The following CCDC14 variants were observed in gnomAD, a reference collection of about 807,000 sequenced individuals.
CCDC14 encodes the protein coiled-coil domain containing 14.
In CCDC14, 71 loss-of-function variants were observed where a neutral mutation model predicts 81.4. The ratio of observed to expected loss-of-function variants is 0.87; its 90% CI spans 0.72 to 1.06. CCDC14 has a LOEUF of 1.06. Among genes scored for constraint, CCDC14 ranks in the 50% least tolerant of loss-of-function variants. The pLI is 0.00. For synonymous variants in CCDC14, 332 were observed against 364.8 expected, an observed-to-expected ratio of 0.91 and a Z score of 1.03; for missense variants, 1,046 against 1,047.3, an observed-to-expected ratio of 1.00 and a Z score of 0.02.
chr3:123,913,302 C>T, downstream of CCDC14: 3 of 833,658 alleles, frequency 3.6e-6, no homozygotes, highest in South Asian at 1.7e-4. Context: ...TAAAAATTTC[C>T]TTTGCATATA....
intron 5 of CCDC14, 132 bp from the exon 6 acceptor site, chr3:123,949,264 A>G (rs1456174215): frequency 1.7e-6 from 1 of 602,840 alleles, no homozygotes; most frequent in Non-Finnish European, 2.9e-6. Context: ...CTTTACCACT[A>G]TCACCCCTAC....
intron 12 of CCDC14, among the ~76,000 whole-genome samples, chr3:123,921,432 A>C (rs2035037258): frequency 6.6e-6 from 1 of 152,214 alleles, no homozygotes. Flanking sequence ...AAAAAGAAGC[A>C]AAGAAGGTCA....
intron 5 of CCDC14, among the ~76,000 whole-genome samples, chr3:123,950,935 C>A (rs563024285): frequency 6.6e-6 from 1 of 151,612 alleles, no homozygotes; most frequent in Non-Finnish European, 1.5e-5. Flanking sequence ...AATACTATAA[C>A]CAGTGAAAAT....
intron 5 of CCDC14, among the ~76,000 whole-genome samples, chr3:123,906,247 G>A (rs1471355025): frequency 6.6e-6 from 1 of 151,996 alleles, no homozygotes; most frequent in Non-Finnish European, 1.5e-5. Context: ...GGAGAATGGC[G>A]TGAACACGGG....
At chr3:123,896,449 C>T (rs969277359), downstream of CCDC14, among the ~76,000 whole-genome samples, 2 of 152,094 alleles carry the variant, frequency 1.3e-5, no homozygotes, top group African/African-American at 2.4e-5. Context: ...AGACACACAA[C>T]GGAAAATTAT....
intron 9 of CCDC14, among the ~76,000 whole-genome samples, chr3:123,937,878 G>C (rs2682241): frequency 0.11 from 16,698 of 151,700 alleles, 2,222 homozygotes; most frequent in East Asian, 0.35. Flanking sequence ...TTAAAAACAT[G>C]ACTCTCTCAT....
chr3:123,956,739 C>G lies in CCDC14; in HGVS notation c.86+1G>C, dbSNP rs780060142. ...AGTTGTAAACGTCTTCAAGTACTTA[C>G]GCTTTCTTTCCATTTGTTAATTTAG... is the stretch of plus-strand genomic sequence containing the variant. On this transcript the variant is annotated splice_donor_variant, in intron 2 of 12. Transcript: ENST00000409697. LOFTEE classifies it high-confidence loss of function. The G allele has an allele frequency of 1.3e-6, 2 of 1,546,520 alleles. No homozygotes were observed. Among genetic ancestry groups the G allele is most frequent in the Non-Finnish European group, 1.7e-6 (2 of 1,143,218 alleles).
chr3:123,922,969 A>T (rs1011651725), intron 12 of CCDC14, among the ~76,000 whole-genome samples: 1 of 152,146 alleles, frequency 6.6e-6, no homozygotes, highest in Non-Finnish European at 1.5e-5. Context: ...AGAAAAGAAC[A>T]CTACAAGAAA....
At position 123,898,098 on chromosome 3, in the gene CCDC14, G is replaced by T. The variant is rs968942941; in HGVS notation, c.668-485C>A. On this transcript the variant is annotated intron_variant, in intron 5 of 5. Transcript: ENST00000479903. Reference sequence around the variant, plus strand: ...CATTTCTACCTCAAATTGTGTGGAGGGACTATAGTTTAGTGTGAACATCTG... The same window carrying T: ...CATTTCTACCTCAAATTGTGTGGAGTGACTATAGTTTAGTGTGAACATCTG... Among the ~76,000 whole-genome samples the T allele has an allele frequency of 2.0e-5, 3 of 152,110 alleles. No homozygotes were observed. In the South Asian group the frequency reaches 6.2e-4, roughly 32 times the overall value.
At chr3:123,930,459 C>T (rs1257879980) in intron 12 of CCDC14, among the ~76,000 whole-genome samples, 3 of 152,130 alleles carry the variant, frequency 2.0e-5, no homozygotes, top group African/African-American at 7.2e-5. Context: ...AGTTGAGAAT[C>T]CAATTCTTAG....
At chr3:123,888,173 A>G in the CCDC14 span, among the ~76,000 whole-genome samples, 1 of 152,056 alleles carries the variant, frequency 6.6e-6, no homozygotes, top group South Asian at 2.1e-4. Context: ...CATGTCACTC[A>G]GTGTGTATTA....
At chr3:123,933,506 A>C (rs898216673) in intron 10 of CCDC14, 167 bp downstream of exon 10, 16 of 584,008 alleles carry the variant, frequency 2.7e-5, no homozygotes, top group Non-Finnish European at 4.5e-5. Context: ...CAAAACAAAC[A>C]AACAAAAAAA....
At position 123,931,085 on chromosome 3, in the gene CCDC14, A is replaced by C. The variant is rs777433083; in HGVS notation, c.1778+17T>G. 1.9e-6 allele frequency: 3 copies of C among 1,560,178 alleles called. No individual in the cohort carries two copies. The African/African-American group carries it at 4.2e-5, about 22-fold the overall frequency. On this transcript the variant is annotated intron_variant, in intron 12 of 12. Coordinates refer to ENST00000409697, the MANE Select transcript of CCDC14 (RefSeq NM_001366335.1). ...AAATAAAAAAGGCATGAGTTATTCA[A>C]AGGAAGTCAATTTTACCTGGTTAAT...
Position 123,948,993 on chromosome 3 carries a change from C to T in CCDC14, c.492G>A (p.Glu164=). 1.2e-6 allele frequency: 2 copies of T among 1,613,960 alleles called. No homozygotes were observed. The highest frequency in any genetic ancestry group is 1.7e-6 in the Non-Finnish European group (2 of 1,179,874). The change falls in exon 6 of 13, where the codon GAG becomes GAA. Residue 164 remains glutamate, a synonymous_variant. Transcript: ENST00000409697. ...YSPIIYQALC[E]HVQTQMSLMN... ...TCAGTGACATCTGAGTCTGCACGTG[C>T]TCACAGAGGGCTTGGTATATTATGG...
Position 123,914,224 on chromosome 3 carries a change from A to AT in CCDC14, c.*554dup, listed in dbSNP as rs996438712. On this transcript the variant is annotated 3_prime_UTR_variant, in exon 13 of 13. Transcript: ENST00000409697. ...TGTTAACTTAGGATGTTATCTATATATTTTTTAGACCAATCAATGTTTTTT... is the reference window on the plus strand; with the variant it reads ...TGTTAACTTAGGATGTTATCTATATATTTTTTTAGACCAATCAATGTTTTTT... The AT allele has an allele frequency of 1.0e-6, 1 of 984,384 alleles. No individual in the cohort carries two copies. The highest frequency in any genetic ancestry group is 1.2e-6 in the Non-Finnish European group (1 of 828,730). The allele number at this position is 984,384 out of a possible 1,614,324, so 61.0% of individuals were successfully genotyped here.
downstream of CCDC14, among the ~76,000 whole-genome samples, chr3:123,895,200 T>A (rs2034040295): frequency 6.6e-6 from 1 of 152,166 alleles, no homozygotes; most frequent in African/African-American, 2.4e-5. Context: ...AAGTTTATTC[T>A]GCAAGTCTGG....
At chr3:123,946,221 C>T (rs1478715840) in intron 8 of CCDC14, among the ~76,000 whole-genome samples, 2 of 150,492 alleles carry the variant, frequency 1.3e-5, no homozygotes. Flanking sequence ...AAAACTGTAA[C>T]TCATTTCAAG....
chr3:123,918,815 A>G (rs2034864441), intron 12 of CCDC14, among the ~76,000 whole-genome samples: 1 of 152,224 alleles, frequency 6.6e-6, no homozygotes, highest in Non-Finnish European at 1.5e-5. Context: ...AGATCTTGGC[A>G]ATGACTCTGC....
chr3:123,938,309 G>A (rs904569219), intron 9 of CCDC14, among the ~76,000 whole-genome samples: 1 of 151,784 alleles, frequency 6.6e-6, no homozygotes, highest in South Asian at 2.1e-4. Context: ...GCAATATTTT[G>A]TAGTTTTCAG....
Sources: allele counts gnomAD v4.1 joint callset (sites outside exome capture counted in the v4.1 genomes callset), GRCh38; gene constraint gnomAD v4.1.1; transcripts MANE v1.5; gene names NCBI Gene and HGNC (gene_info 2026-07-23, HGNC 2026-07-21).